MGAT5: variants seen among roughly 807,000 people sequenced by gnomAD.
MGAT5 encodes alpha-1,6-mannosylglycoprotein 6-beta-N-acetylglucosaminyltransferase A.
MGAT5 carries 30 observed loss-of-function variants against 94.3 expected under a neutral mutation model. The ratio of observed to expected loss-of-function variants is 0.32; its 90% CI spans 0.24 to 0.43. The LOEUF (loss-of-function observed/expected upper bound fraction) is 0.43, where lower values mean the gene tolerates loss of function less well. Among genes scored for constraint, MGAT5 ranks in the 20% least tolerant of loss-of-function variants. The pLI is 1.00. For missense variants in MGAT5, 691 were observed against 905.5 expected, an observed-to-expected ratio of 0.76 and a Z score of 3.04; for synonymous variants, 310 against 322.9, an observed-to-expected ratio of 0.96 and a Z score of 0.43.
chr2:134,314,623 G>T (rs1469316283), intron 2 of MGAT5, among the ~76,000 whole-genome samples: 1 of 152,184 alleles, frequency 6.6e-6, no homozygotes, highest in Admixed American at 6.5e-5. Flanking sequence ...GCCCAGAGGA[G>T]GACAGGATTC....
intron 8 of MGAT5, among the ~76,000 whole-genome samples, chr2:134,349,109 A>G (rs1289350766): frequency 1.3e-5 from 2 of 152,214 alleles, no homozygotes; most frequent in African/African-American, 4.8e-5. Context: ...TTTAAAAACC[A>G]TTTAAGAATG....
intron 4 of MGAT5, chr2:134,319,869 G>A: frequency 4.0e-6 from 1 of 252,402 alleles, no homozygotes; most frequent in Non-Finnish European, 8.0e-6. Context: ...TGCTCAATTT[G>A]GTAACCTGAG....
Position 134,138,230 on chromosome 2 carries a change from T to C in MGAT5, c.-143+17939T>C, listed in dbSNP as rs529473885. Among the ~76,000 whole-genome samples, 4 of 151,866 alleles carry C rather than the reference T, an allele frequency of 2.6e-5. No individual in the cohort carries two copies. In the South Asian group the frequency reaches 8.3e-4, roughly 32 times the overall value. ...TATCATTGCCCTTTTTTTTTTGGCT[T>C]GAGAAAGCAAGAAATTCACCAAATT... is the stretch of plus-strand genomic sequence containing the variant. On this transcript the variant is annotated intron_variant, in intron 1 of 16. Coordinates refer to the MGAT5 transcript ENST00000409645.
chr2:134,264,221 C>T (rs568289580), intron 1 of MGAT5, among the ~76,000 whole-genome samples: 3 of 152,200 alleles, frequency 2.0e-5, no homozygotes, highest in East Asian at 3.9e-4. Flanking sequence ...GGGGTTTCTC[C>T]ATGTTGGTCA....
chr2:134,200,594 C>T (rs566809995), intron 1 of MGAT5, among the ~76,000 whole-genome samples: 12 of 152,318 alleles, frequency 7.9e-5, no homozygotes, highest in African/African-American at 2.4e-4. Context: ...TAGCCTTTCT[C>T]CATTTATTCA....
intron 15 of MGAT5, 74 bp downstream of exon 15, chr2:134,441,989 G>GGAAACCT: frequency 6.5e-7 from 1 of 1,534,562 alleles, no homozygotes; most frequent in Non-Finnish European, 8.9e-7. Flanking sequence ...TCAGGTGAGA[G>GGAAACCT]GTACAGGTTT....
At chr2:134,391,194 G>A (rs1417018863) in intron 10 of MGAT5, among the ~76,000 whole-genome samples, 1 of 152,112 alleles carries the variant, frequency 6.6e-6, no homozygotes, top group Non-Finnish European at 1.5e-5. Context: ...AGTGCTGAGA[G>A]AGTTGAGGAG....
At chr2:134,374,027 C>T (rs1680997697) in intron 10 of MGAT5, among the ~76,000 whole-genome samples, 1 of 152,208 alleles carries the variant, frequency 6.6e-6, no homozygotes, top group Non-Finnish European at 1.5e-5. Context: ...GCCAATGGAG[C>T]AAAATCACAG....
chr2:134,373,854 T>C (rs761766383), intron 10 of MGAT5, among the ~76,000 whole-genome samples: 2 of 152,172 alleles, frequency 1.3e-5, no homozygotes, highest in Non-Finnish European at 2.9e-5. Flanking sequence ...AACTGGGGGC[T>C]TCATTTGGTT....
intron 1 of MGAT5, among the ~76,000 whole-genome samples, chr2:134,147,606 AAAAAG>A (rs1251054869): frequency 2.7e-5 from 4 of 150,784 alleles, no homozygotes; most frequent in Admixed American, 6.6e-5. Flanking sequence ...AAAAAAAAAA[AAAAAG>A]AAAAGAAAAA....
chr2:134,255,524 CACAT>C (rs915320687), intron 1 of MGAT5, among the ~76,000 whole-genome samples: 9 of 150,690 alleles, frequency 6.0e-5, no homozygotes, highest in African/African-American at 2.2e-4. Context: ...TATATACACA[CACAT>C]ATATATATAC....
upstream of MGAT5, among the ~76,000 whole-genome samples, chr2:134,251,576 T>C (rs1286071955): frequency 6.6e-6 from 1 of 152,202 alleles, no homozygotes; most frequent in Non-Finnish European, 1.5e-5. Flanking sequence ...CAATCCAAGG[T>C]AGACAGGTGT....
rs115770830 is a variant in MGAT5, at chr2:134,349,357, A to T, written c.1113-448A>T. 6.4e-3 allele frequency among the ~76,000 whole-genome samples: 971 copies of T among 152,308 alleles called. 5 individuals are homozygous for T. Among genetic ancestry groups the T allele is most frequent in the African/African-American group, 0.022 (931 of 41,572 alleles). ...CTCCAATTGATGAAAATGTTGAATG[A>T]TTGCTCCTAGAGATAACACGTGTCA... On this transcript the variant is annotated intron_variant, in intron 8 of 15. Coordinates refer to ENST00000281923, the MANE Select transcript of MGAT5 (RefSeq NM_002410.5).
At chr2:134,176,327 C>T (rs1323408353) in intron 1 of MGAT5, among the ~76,000 whole-genome samples, 1 of 128,834 alleles carries the variant, frequency 7.8e-6, no homozygotes, top group East Asian at 2.6e-4. Flanking sequence ...AATCCCAGCA[C>T]TTTGGGAGGC....
At chr2:134,399,264 C>A (rs191723503) in intron 10 of MGAT5, among the ~76,000 whole-genome samples, 2 of 152,180 alleles carry the variant, frequency 1.3e-5, no homozygotes, top group East Asian at 1.9e-4. Flanking sequence ...TTCTACCACT[C>A]CCCCCTGCTG....
chr2:134,295,221 G>A (rs922242199), intron 2 of MGAT5, among the ~76,000 whole-genome samples: 3 of 24,922 alleles, frequency 1.2e-4, no homozygotes, highest in African/African-American at 2.1e-4. Flanking sequence ...TGCCAGAAAA[G>A]AACAATGAGA....
At chr2:134,317,489 A>C in intron 2 of MGAT5, 40 bp from the exon 3 acceptor site, 1 of 1,412,374 alleles carries the variant, frequency 7.1e-7, no homozygotes, top group South Asian at 1.3e-5. Flanking sequence ...TGTGTTTTAT[A>C]GATCTCATTG....
chr2:134,137,094 A>T (rs1303044524), intron 1 of MGAT5, among the ~76,000 whole-genome samples: 1 of 152,242 alleles, frequency 6.6e-6, no homozygotes, highest in East Asian at 1.9e-4. Flanking sequence ...GAGAAAACCC[A>T]CAGACATTCT....
At chr2:134,447,485 A>G (rs1685854902) in intron 15 of MGAT5, among the ~76,000 whole-genome samples, 1 of 152,172 alleles carries the variant, frequency 6.6e-6, no homozygotes, top group Non-Finnish European at 1.5e-5. Flanking sequence ...CATTCTATGG[A>G]AGGGAATCTG....
Sources: gnomAD v4.1 joint callset for allele counts (sites outside exome capture counted in the v4.1 genomes callset) on GRCh38, gnomAD v4.1.1 for gene constraint, MANE v1.5 for transcripts, NCBI Gene and HGNC (gene_info 2026-07-23, HGNC 2026-07-21) for gene names.